The following ATP8A2 variants were observed in gnomAD, a reference collection of about 807,000 sequenced individuals.
ATP8A2 encodes phospholipid-transporting ATPase IB.
ATP8A2 carries 100 observed loss-of-function variants against 165.6 expected under a neutral mutation model. That is an observed-to-expected ratio of 0.60 (90% CI 0.51 to 0.71). ATP8A2 has a LOEUF of 0.71. Among genes scored for constraint, ATP8A2 ranks in the 30% least tolerant of loss-of-function variants. ATP8A2 has a pLI of 0.00. For missense variants in ATP8A2, 1,227 were observed against 1,479.5 expected (o/e 0.83, Z 2.80); for synonymous variants, 543 against 548.8 (o/e 0.99, Z 0.15).
chr13:25,723,050 A>T (rs1271065771), intron 25 of ATP8A2, among the ~76,000 whole-genome samples: 2 of 152,230 alleles, frequency 1.3e-5, no homozygotes, highest in Non-Finnish European at 2.9e-5. Context: ...CCATTGTATG[A>T]ATTTTACCTC....
Position 25,581,812 on chromosome 13 carries a change from A to G in ATP8A2, c.2008-7A>G, listed in dbSNP as rs1418003210. On this transcript the variant is annotated splice_region_variant and splice_polypyrimidine_tract_variant and intron_variant, in intron 22 of 36. Coordinates refer to ENST00000381655, the MANE Select transcript of ATP8A2 (RefSeq NM_016529.6). The stretch of plus-strand genomic sequence containing the variant: ...AATCTTTAACTGAGGATATTTTTTC[A>G]ATGTAGAATTTGCTGCTACTTGGAG... The G allele has an allele frequency of 1.2e-6, 2 of 1,612,456 alleles. No homozygotes were observed. Among genetic ancestry groups the G allele is most frequent in the South Asian group, 1.1e-5 (1 of 90,582 alleles).
intron 2 of ATP8A2, among the ~76,000 whole-genome samples, chr13:25,475,767 G>C (rs1164287819): frequency 6.6e-6 from 1 of 152,208 alleles, no homozygotes; most frequent in Non-Finnish European, 1.5e-5. Flanking sequence ...AATGATCGGT[G>C]ATAGTGAGCA....
chr13:25,685,745 G>A (rs942824339), intron 24 of ATP8A2, among the ~76,000 whole-genome samples: 2 of 152,148 alleles, frequency 1.3e-5, no homozygotes, highest in East Asian at 1.9e-4. Flanking sequence ...GCTGGGCCTC[G>A]CTGGCCATCA....
chr13:25,546,157 T>G (rs1443415136), intron 10 of ATP8A2, among the ~76,000 whole-genome samples: 2 of 152,158 alleles, frequency 1.3e-5, no homozygotes, highest in Non-Finnish European at 2.9e-5. Flanking sequence ...ATTACATGAG[T>G]TAATTAAACT....
intron 35 of ATP8A2, among the ~76,000 whole-genome samples, chr13:25,973,142 A>G (rs956191227): frequency 2.6e-5 from 4 of 152,172 alleles, no homozygotes; most frequent in Admixed American, 2.6e-4. Flanking sequence ...TTTGCCAGGA[A>G]GGCAGTGGAT....
chr13:25,525,481 T>TAAATACTAAATTTAC (rs1593459980), intron 2 of ATP8A2, among the ~76,000 whole-genome samples: 1 of 152,222 alleles, frequency 6.6e-6, no homozygotes, highest in East Asian at 1.9e-4. Context: ...GTATTTCTTG[T>TAAATACTAAATTTAC]AAGATGGATC....
In ATP8A2 at chr13:25,421,752, G is replaced by A. The variant is rs2034306295; in HGVS notation, c.77-47225G>A. 2.0e-5 allele frequency among the ~76,000 whole-genome samples: 3 copies of A among 152,326 alleles called. No individual in the cohort carries two copies. In the South Asian group the frequency reaches 6.2e-4, roughly 32 times the overall value. ...CACTAGAGAAAAGAAAACAAACATG[G>A]AGTTTGATCTATATAGCCTGCAGTG... On this transcript the variant is annotated intron_variant, in intron 1 of 36. Transcript: ENST00000381655.
At chr13:25,579,972 T>C in intron 22 of ATP8A2, 25 bp downstream of exon 22, 1 of 1,611,940 alleles carries the variant, frequency 6.2e-7, no homozygotes, top group Non-Finnish European at 8.5e-7. Flanking sequence ...TACAGTCTTT[T>C]CAGCTCCATG....
intron 1 of ATP8A2, among the ~76,000 whole-genome samples, chr13:25,462,553 C>A (rs894321476): frequency 6.6e-5 from 10 of 152,130 alleles, no homozygotes; most frequent in Admixed American, 5.2e-4. Flanking sequence ...CTGGGAGGCT[C>A]CCCTGAGTTT....
intron 33 of ATP8A2, among the ~76,000 whole-genome samples, chr13:25,880,203 A>C (rs1208307467): frequency 6.6e-6 from 1 of 152,212 alleles, no homozygotes; most frequent in African/African-American, 2.4e-5. Flanking sequence ...TCAGTGTCTA[A>C]AGCAATTTGA....
chr13:25,596,389 A>G (rs959415392), intron 24 of ATP8A2, among the ~76,000 whole-genome samples: 27 of 152,348 alleles, frequency 1.8e-4, no homozygotes, highest in African/African-American at 6.3e-4. Context: ...TAAGCATGTA[A>G]TCACCACCCC....
At chr13:25,561,263 C>T (rs564393108) in intron 15 of ATP8A2, among the ~76,000 whole-genome samples, 4 of 152,236 alleles carry the variant, frequency 2.6e-5, no homozygotes, top group South Asian at 4.2e-4. Context: ...TGATAATTTT[C>T]CTCCTCTCCA....
At chr13:25,731,895 C>T (rs554499680) in intron 25 of ATP8A2, among the ~76,000 whole-genome samples, 94 of 152,302 alleles carry the variant, frequency 6.2e-4, no homozygotes, top group African/African-American at 2.3e-3. Context: ...TCTTCGAAAG[C>T]TTAAGCTCTG....
chr13:25,644,154 T>A (rs556971092), intron 24 of ATP8A2, among the ~76,000 whole-genome samples: 4 of 152,172 alleles, frequency 2.6e-5, no homozygotes, highest in Non-Finnish European at 5.9e-5. Flanking sequence ...ATCTTTAGGG[T>A]TTTCTCTATA....
At chr13:25,799,125 A>G (rs1449688175) in intron 27 of ATP8A2, among the ~76,000 whole-genome samples, 4 of 152,206 alleles carry the variant, frequency 2.6e-5, no homozygotes, top group African/African-American at 9.6e-5. Flanking sequence ...ATTTTTATAT[A>G]TTGAATTGGA....
intron 24 of ATP8A2, among the ~76,000 whole-genome samples, chr13:25,682,350 G>C (rs1329325873): frequency 6.6e-6 from 1 of 152,046 alleles, no homozygotes; most frequent in African/African-American, 2.4e-5. Context: ...TCCTTCCCCT[G>C]AGTCTGAGTC....
intron 36 of ATP8A2, among the ~76,000 whole-genome samples, chr13:26,019,392 G>T (rs186314851): frequency 7.1e-4 from 108 of 152,336 alleles, no homozygotes; most frequent in African/African-American, 2.2e-3. Context: ...GCAAGACTCT[G>T]TCTCAAATAA....
At chr13:25,432,517 T>G (rs2034644140) in intron 1 of ATP8A2, among the ~76,000 whole-genome samples, 1 of 152,164 alleles carries the variant, frequency 6.6e-6, no homozygotes, top group Admixed American at 6.5e-5. Flanking sequence ...CTTCTTTAGT[T>G]TGGGGGCTTT....
At chr13:25,774,678 G>C (rs2044701242) in intron 26 of ATP8A2, among the ~76,000 whole-genome samples, 171 bp from the exon 27 acceptor site, 1 of 152,188 alleles carries the variant, frequency 6.6e-6, no homozygotes, top group Admixed American at 6.5e-5. Flanking sequence ...GATTTTACTT[G>C]TTCTCACTGG....
Sources: allele counts gnomAD v4.1 joint callset (sites outside exome capture counted in the v4.1 genomes callset), GRCh38; gene constraint gnomAD v4.1.1; transcripts MANE v1.5; gene names NCBI Gene and HGNC (gene_info 2026-07-23, HGNC 2026-07-21).